The following DENND5A variants were observed in gnomAD, a reference collection of about 807,000 sequenced individuals.
DENND5A encodes DENN domain containing 5A, also known as DENN domain-containing protein 5A.
Under a neutral mutation model 140.3 loss-of-function variants are expected in DENND5A, and 64 were observed. The ratio of observed to expected loss-of-function variants is 0.46; its 90% CI spans 0.37 to 0.56. DENND5A has a LOEUF of 0.56. Ranked by LOEUF, DENND5A falls within the 20% of genes least tolerant of loss-of-function variation. The pLI, the probability that DENND5A is intolerant of heterozygous loss-of-function variation, is 0.00. For synonymous variants in DENND5A, 605 were observed against 607.7 expected, an observed-to-expected ratio of 1.00 and a Z score of 0.07; for missense variants, 1,292 against 1,593.8, an observed-to-expected ratio of 0.81 and a Z score of 3.22.
chr11:9,176,311 T>C (rs977415694), intron 8 of DENND5A, among the ~76,000 whole-genome samples: 11 of 152,232 alleles, frequency 7.2e-5, no homozygotes, highest in African/African-American at 2.7e-4. Context: ...AGACTTGCCA[T>C]ACATTTGGCA....
intron 8 of DENND5A, among the ~76,000 whole-genome samples, chr11:9,172,960 C>T (rs1325441116): frequency 6.6e-6 from 1 of 150,780 alleles, no homozygotes; most frequent in Non-Finnish European, 1.5e-5. Flanking sequence ...GGACTACAAG[C>T]ACGTACTATC....
chr11:9,217,996 C>A (rs950269873), intron 1 of DENND5A, among the ~76,000 whole-genome samples: 2 of 152,228 alleles, frequency 1.3e-5, no homozygotes, highest in Non-Finnish European at 1.5e-5. Flanking sequence ...TGGGCAGTGG[C>A]TCATGCCTGT....
intron 1 of DENND5A, 80 bp downstream of exon 1, chr11:9,264,881 C>T (rs1270280437): frequency 7.8e-7 from 1 of 1,284,950 alleles, no homozygotes; most frequent in South Asian, 1.3e-5. Context: ...CGGGACAAAG[C>T]GGGGCTGAAG....
chr11:9,240,204 G>A (rs1418769813), intron 1 of DENND5A, among the ~76,000 whole-genome samples: 1 of 151,992 alleles, frequency 6.6e-6, no homozygotes, highest in East Asian at 1.9e-4. Context: ...GACCAGCCTG[G>A]CCAACATGGT....
rs745542394 is a variant in DENND5A at position 9,204,258 on chromosome 11, G to A, written c.351C>T (p.Phe117=). 1.3e-5 allele frequency: 21 copies of A among 1,613,842 alleles called. No individual in the cohort carries two copies. Among genetic ancestry groups the A allele is most frequent in the Non-Finnish European group, 1.8e-5 (21 of 1,180,014 alleles). The change falls in exon 4 of 23, where the codon TTC becomes TTT. Residue 117 remains phenylalanine (F), a synonymous_variant. Transcript: ENST00000328194. The part of the protein sequence containing the change: ...KTQADPREPQ[F]HAFIITREDG... ...CCTCCCTTGTGATAATAAAGGCATGGAATTGGGGCTCCCTGGGATCAGCCT... is the reference window on the plus strand; with the variant it reads ...CCTCCCTTGTGATAATAAAGGCATGAAATTGGGGCTCCCTGGGATCAGCCT...
intron 15 of DENND5A, among the ~76,000 whole-genome samples, chr11:9,148,640 G>C (rs1338548542): frequency 6.6e-6 from 1 of 152,248 alleles, no homozygotes; most frequent in Non-Finnish European, 1.5e-5. Context: ...AATTTTCAGT[G>C]TAGGTACGGA....
In DENND5A at chr11:9,178,335, T is replaced by G. The variant is rs1364727420; in HGVS notation, c.1703A>C (p.Tyr568Ser). ...CAGGAATCTTGAGAGGAAGGGCAGGTAGGGCTCAGGCTGATCTGACAGAAA... is the reference window on the plus strand; with the variant it reads ...CAGGAATCTTGAGAGGAAGGGCAGGGAGGGCTCAGGCTGATCTGACAGAAA... ...ASFLSDQPEP[Y>S]LPFLSRFLET... Residue 568 changes from tyrosine to serine, a missense_variant, in exon 8 of 23, where the codon TAC (tyrosine) becomes TCC (serine). Tyr to Ser is a moderately radical substitution (Grantham distance 144). This residue lies in a region of DENND5A where 29 missense variants were observed against 64.7 expected (regional missense o/e 0.45). Coordinates refer to ENST00000328194, the MANE Select transcript of DENND5A (RefSeq NM_015213.4). The G allele has an allele frequency of 3.1e-6, 5 of 1,613,688 alleles. No individual in the cohort carries two copies.
chr11:9,211,173 A>G (rs943833754), intron 1 of DENND5A, among the ~76,000 whole-genome samples: 1 of 152,202 alleles, frequency 6.6e-6, no homozygotes, highest in Non-Finnish European at 1.5e-5. Flanking sequence ...TAATCTTACT[A>G]GCTTAAGAAA....
At chr11:9,241,582 C>A (rs1319739427) in intron 1 of DENND5A, among the ~76,000 whole-genome samples, 1 of 152,180 alleles carries the variant, frequency 6.6e-6, no homozygotes, top group African/African-American at 2.4e-5. Context: ...ATACTCCTAG[C>A]TTATGGCCCT....
At chr11:9,143,258 C>T in intron 20 of DENND5A, 145 bp downstream of exon 20, 1 of 780,134 alleles carries the variant, frequency 1.3e-6, no homozygotes. Context: ...TGCTCCATCT[C>T]CAACTAGCTG....
chr11:9,158,349 A>G (rs1370245574), intron 12 of DENND5A, among the ~76,000 whole-genome samples: 1 of 151,722 alleles, frequency 6.6e-6, no homozygotes, highest in East Asian at 1.9e-4. Context: ...GTTTGAGACC[A>G]GCCAGGACAA....
At chr11:9,171,362 T>G (rs1182111739) in intron 8 of DENND5A, 1 of 152,686 alleles carries the variant, frequency 6.5e-6, no homozygotes, top group Non-Finnish European at 1.5e-5. Context: ...CATGGGGCAC[T>G]GAGTAAAGTA....
chr11:9,222,048 C>A (rs569376174), intron 1 of DENND5A, among the ~76,000 whole-genome samples: 1 of 152,252 alleles, frequency 6.6e-6, no homozygotes, highest in Non-Finnish European at 1.5e-5. Flanking sequence ...TGAGCCACTG[C>A]GCTTGGCAAG....
chr11:9,218,036 T>C (rs1223131736), intron 1 of DENND5A, among the ~76,000 whole-genome samples: 4 of 152,190 alleles, frequency 2.6e-5, no homozygotes, highest in African/African-American at 7.2e-5. Context: ...GTAGAGATTG[T>C]TTGAGTCCAG....
At chr11:9,218,343 TAGATTTG>T (rs1441472674) in intron 1 of DENND5A, among the ~76,000 whole-genome samples, 8 of 151,304 alleles carry the variant, frequency 5.3e-5, no homozygotes, top group Non-Finnish European at 1.0e-4. Context: ...AGTTAGCAAA[TAGATTTG>T]AGGAAATATC....
intron 1 of DENND5A, among the ~76,000 whole-genome samples, chr11:9,212,374 C>G (rs931195847): frequency 4.6e-5 from 7 of 151,996 alleles, no homozygotes; most frequent in African/African-American, 1.5e-4. Flanking sequence ...AATTAATAAT[C>G]AAAATTTTCC....
At chr11:9,203,248 T>A (rs1192598656) in intron 4 of DENND5A, among the ~76,000 whole-genome samples, 1 of 152,154 alleles carries the variant, frequency 6.6e-6, no homozygotes, top group Non-Finnish European at 1.5e-5. Flanking sequence ...ATGCAACACA[T>A]CCACATTTTC....
At chr11:9,156,157 T>C (rs1847794155) in intron 12 of DENND5A, among the ~76,000 whole-genome samples, 1 of 152,126 alleles carries the variant, frequency 6.6e-6, no homozygotes, top group South Asian at 2.1e-4. Context: ...AGGGAGAACA[T>C]GGTGTTAGGA....
chr11:9,231,733 G>C (rs1224961393), intron 1 of DENND5A, among the ~76,000 whole-genome samples: 2 of 65,870 alleles, frequency 3.0e-5, no homozygotes, highest in African/African-American at 5.8e-5. Context: ...AAAAAAAAAA[G>C]ACTCTGGGAG....
Sources: gnomAD v4.1 joint callset for allele counts (sites outside exome capture counted in the v4.1 genomes callset) on GRCh38, gnomAD v4.1.1 for gene constraint, gnomAD v4.1.1 regional missense constraint, MANE v1.5 for transcripts, NCBI Gene and HGNC (gene_info 2026-07-23, HGNC 2026-07-21) for gene names.